The following CD3E variants were observed in gnomAD, a reference collection of about 807,000 sequenced individuals.
CD3E encodes the protein T-cell surface glycoprotein CD3 epsilon chain.
CD3E carries 16 observed loss-of-function variants against 34.7 expected under a neutral mutation model. That is an observed-to-expected ratio of 0.46 (90% CI 0.31 to 0.70). CD3E has a LOEUF of 0.70. Ranked by LOEUF, CD3E falls within the 30% of genes least tolerant of loss-of-function variation. The pLI, the probability that CD3E is intolerant of heterozygous loss-of-function variation, is 0.05. For synonymous variants in CD3E, 70 were observed against 90.8 expected (o/e 0.77, Z 1.30); for missense variants, 223 against 253.9 (o/e 0.88, Z 0.83).
intron 4 of CD3E, 76 bp downstream of exon 4, chr11:118,308,517 A>G (rs1948119915): frequency 6.4e-6 from 6 of 940,524 alleles, no homozygotes; most frequent in Non-Finnish European, 1.0e-5. Context: ...AATCACAGTA[A>G]CAAACCCTGA....
chr11:118,315,666 T>A lies in CD3E; in HGVS notation c.*124T>A. The stretch of plus-strand genomic sequence containing the variant: ...ATCGTTCCTCAGCCTCATGGTGAAC[T>A]CGCGCCCTCCAGCCTGATCCCCCGC... On this transcript the variant is annotated 3_prime_UTR_variant, in exon 9 of 9. Coordinates refer to ENST00000361763, the MANE Select transcript of CD3E (RefSeq NM_000733.4). 2 of 852,006 alleles carry A rather than the reference T, an allele frequency of 2.3e-6. No individual in the cohort carries two copies. The highest frequency in any genetic ancestry group is 3.9e-6 in the Non-Finnish European group (2 of 518,638). The allele number at this position is 852,006 out of a possible 1,614,324, so 52.8% of individuals were successfully genotyped here. A position where few individuals can be genotyped will look rare whatever the true frequency, so the allele number is the denominator to read the frequency against.
intron 4 of CD3E, 150 bp from the exon 5 acceptor site, chr11:118,312,003 C>T: frequency 1.4e-6 from 1 of 730,912 alleles, no homozygotes; most frequent in Admixed American, 1.9e-5. Context: ...AAGCATGAAC[C>T]TCACCTCCAA....
chr11:118,306,537 A>G (rs1948108043), intron 2 of CD3E, among the ~76,000 whole-genome samples: 1 of 151,646 alleles, frequency 6.6e-6, no homozygotes, highest in Non-Finnish European at 1.5e-5. Context: ...AAGAGACAGT[A>G]TCAAAGACCC....
intron 4 of CD3E, among the ~76,000 whole-genome samples, chr11:118,309,226 T>G (rs4938502): frequency 0.59 from 89,304 of 151,976 alleles, 27,361 homozygotes; most frequent in East Asian, 0.73. Context: ...GTAGGGTTAT[T>G]ATGAGGACCA....
intron 5 of CD3E, 41 bp from the exon 6 acceptor site, chr11:118,312,577 T>C (rs1349553820): frequency 6.2e-7 from 1 of 1,613,904 alleles, no homozygotes; most frequent in African/African-American, 1.3e-5. Context: ...TTTCTAAAAT[T>C]GTCCTGGTTT....
intron 6 of CD3E, 179 bp from the exon 7 acceptor site, chr11:118,313,528 C>A: frequency 1.5e-6 from 1 of 656,336 alleles, no homozygotes. Flanking sequence ...TGCCTCTACC[C>A]ACGGCCACCA....
intron 2 of CD3E, among the ~76,000 whole-genome samples, 200 bp from the exon 3 acceptor site, chr11:118,307,088 C>A (rs1414740902): frequency 6.6e-6 from 1 of 152,062 alleles, no homozygotes; most frequent in African/African-American, 2.4e-5. Flanking sequence ...TATTTCCCCC[C>A]AAATTTCCTG....
At chr11:118,314,384 A>C in intron 7 of CD3E, 64 bp from the exon 8 acceptor site, 1 of 1,415,708 alleles carries the variant, frequency 7.1e-7, no homozygotes, top group Non-Finnish European at 1.0e-6. Context: ...TCTCACTGGC[A>C]CAGACAGTGC....
intron 6 of CD3E, chr11:118,313,386 T>G: frequency 2.4e-6 from 1 of 416,856 alleles, no homozygotes. Flanking sequence ...CTATATGGGT[T>G]AAGTATCATT....
intron 7 of CD3E, among the ~76,000 whole-genome samples, 193 bp from the exon 8 acceptor site, chr11:118,314,255 G>C (rs898139085): frequency 6.6e-6 from 1 of 151,974 alleles, no homozygotes; most frequent in Non-Finnish European, 1.5e-5. Flanking sequence ...GTCACAAAAT[G>C]ATGAGAAGAG....
intron 4 of CD3E, among the ~76,000 whole-genome samples, chr11:118,309,174 G>A (rs1948122727): frequency 2.6e-5 from 4 of 152,162 alleles, no homozygotes; most frequent in Admixed American, 2.6e-4. Flanking sequence ...CTGTGCCACA[G>A]CATCATCATG....
chr11:118,313,995 C>A, intron 7 of CD3E, 121 bp downstream of exon 7: 1 of 889,312 alleles, frequency 1.1e-6, no homozygotes, highest in Non-Finnish European at 1.8e-6. Context: ...CTATGCACAG[C>A]TTCTATTACT....
chr11:118,307,817 A>G (rs1202110750), intron 3 of CD3E, among the ~76,000 whole-genome samples: 4 of 152,186 alleles, frequency 2.6e-5, no homozygotes, highest in Non-Finnish European at 5.9e-5. Flanking sequence ...GTGTTCCAAC[A>G]TTGGAAGCCC....
chr11:118,315,658 T>C lies in CD3E; in HGVS notation c.*116T>C, dbSNP rs567060197. The C allele has an allele frequency of 3.2e-6, 3 of 931,294 alleles. No homozygotes were observed. Among genetic ancestry groups the C allele is most frequent in the South Asian group, 2.8e-5 (2 of 71,704 alleles). The allele number at this position is 931,294 out of a possible 1,614,324, so 57.7% of individuals were successfully genotyped here. The stretch of plus-strand genomic sequence containing the variant: ...GAGAGAGAATCGTTCCTCAGCCTCA[T>C]GGTGAACTCGCGCCCTCCAGCCTGA... On this transcript the variant is annotated 3_prime_UTR_variant, in exon 9 of 9. Coordinates refer to ENST00000361763, the MANE Select transcript of CD3E (RefSeq NM_000733.4).
chr11:118,313,093 T>A, intron 6 of CD3E: 1 of 584,638 alleles, frequency 1.7e-6, no homozygotes, highest in Non-Finnish European at 3.1e-6. Context: ...GTGCGAGATC[T>A]AAAATAGCAA....
chr11:118,308,061 C>T (rs184704467), intron 3 of CD3E, among the ~76,000 whole-genome samples: 4 of 152,160 alleles, frequency 2.6e-5, no homozygotes, highest in East Asian at 3.9e-4. Context: ...CCTAGCTACT[C>T]GAGAAGCTGA....
intron 2 of CD3E, among the ~76,000 whole-genome samples, chr11:118,306,782 G>A (rs1591266981): frequency 1.3e-5 from 2 of 152,244 alleles, no homozygotes; most frequent in African/African-American, 4.8e-5. Flanking sequence ...CAATGCACAG[G>A]CCCTAGTTGA....
intron 7 of CD3E, 85 bp downstream of exon 7, chr11:118,313,959 A>T: frequency 7.6e-7 from 1 of 1,311,962 alleles, no homozygotes; most frequent in Non-Finnish European, 1.1e-6. Flanking sequence ...GTCCACAGCT[A>T]GGTCAGAACA....
intron 6 of CD3E, 126 bp downstream of exon 6, chr11:118,312,992 C>A (rs1948144745): frequency 2.0e-6 from 2 of 1,024,464 alleles, no homozygotes; most frequent in Non-Finnish European, 3.1e-6. Context: ...CTCCCACACT[C>A]AATCCTGGGA....
Sources: allele counts gnomAD v4.1 joint callset (sites outside exome capture counted in the v4.1 genomes callset), GRCh38; gene constraint gnomAD v4.1.1; transcripts MANE v1.5; gene names NCBI Gene and HGNC (gene_info 2026-07-23, HGNC 2026-07-21).